Variants in SCPPPQ1 observed in about 807,000 individuals in gnomAD.
SCPPPQ1 encodes secretory calcium-binding phosphoprotein proline-glutamine rich 1, also known as secretory calcium-binding phosphoprotein proline- and glutamine-rich 1.
chr4:87,469,681 G>T, the SCPPPQ1 span, among the ~76,000 whole-genome samples: 1 of 152,134 alleles, frequency 6.6e-6, no homozygotes, highest in East Asian at 1.9e-4. Context: ...GAAGGGGTAG[G>T]AGATCATTTC....
At chr4:87,466,252 G>C in the SCPPPQ1 span, among the ~76,000 whole-genome samples, 1 of 151,882 alleles carries the variant, frequency 6.6e-6, no homozygotes, top group African/African-American at 2.4e-5. Context: ...AGCCAGGCAT[G>C]GTGGCTACAC....
At chr4:87,464,042 C>T in the SCPPPQ1 span, among the ~76,000 whole-genome samples, 5 of 152,248 alleles carry the variant, frequency 3.3e-5, no homozygotes, top group African/African-American at 4.8e-5. Flanking sequence ...ATCTTAGGCA[C>T]GAACAATGCC....
chr4:87,461,871 A>G, the SCPPPQ1 span: 1 of 152,022 alleles, frequency 6.6e-6, no homozygotes, highest in Non-Finnish European at 1.5e-5. Flanking sequence ...CATATTATTA[A>G]TTTACCGTTG....
chr4:87,462,473 T>TTTTCTTTCTTTCTTTC, the SCPPPQ1 span, among the ~76,000 whole-genome samples: 4 of 150,978 alleles, frequency 2.6e-5, no homozygotes, highest in Middle Eastern at 3.4e-3. Flanking sequence ...GTCTCCACGT[T>TTTTCTTTCTTTCTTTC]TTTCTTTCTT....
At chr4:87,469,542 G>A in the SCPPPQ1 span, among the ~76,000 whole-genome samples, 14 of 152,274 alleles carry the variant, frequency 9.2e-5, no homozygotes, top group East Asian at 2.7e-3. Flanking sequence ...CGAGAAATGC[G>A]ATGACTCTAA....
At chr4:87,463,691 T>C in the SCPPPQ1 span, among the ~76,000 whole-genome samples, 4 of 152,212 alleles carry the variant, frequency 2.6e-5, no homozygotes, top group African/African-American at 9.6e-5. Flanking sequence ...ATTTACCATA[T>C]TTGAAAGTTA....
the SCPPPQ1 span, among the ~76,000 whole-genome samples, chr4:87,463,794 T>C: frequency 6.6e-6 from 1 of 152,234 alleles, no homozygotes; most frequent in Non-Finnish European, 1.5e-5. Context: ...GTGTGAATGA[T>C]ACTTGAACTA....
chr4:87,469,694 G>A, the SCPPPQ1 span, among the ~76,000 whole-genome samples: 2 of 152,050 alleles, frequency 1.3e-5, no homozygotes, highest in Admixed American at 6.6e-5. Flanking sequence ...ATCATTTCGA[G>A]TTTTTTTCTA....
the SCPPPQ1 span, among the ~76,000 whole-genome samples, chr4:87,469,865 C>G: frequency 1.3e-5 from 2 of 151,462 alleles, no homozygotes; most frequent in East Asian, 1.9e-4. Flanking sequence ...TTACTTTCTA[C>G]TTTCTTATAA....
chr4:87,465,021 T>C, the SCPPPQ1 span, among the ~76,000 whole-genome samples: 2 of 152,206 alleles, frequency 1.3e-5, no homozygotes, highest in Non-Finnish European at 2.9e-5. Context: ...CTTAAATCTA[T>C]TTCAAATGCT....
chr4:87,461,299 C>G, the SCPPPQ1 span, among the ~76,000 whole-genome samples: 60 of 152,294 alleles, frequency 3.9e-4, no homozygotes, highest in African/African-American at 1.3e-3. Flanking sequence ...CATGGTCTGA[C>G]TGGGTTGCAA....
chr4:87,467,710 A>G, the SCPPPQ1 span, among the ~76,000 whole-genome samples: 1 of 152,286 alleles, frequency 6.6e-6, no homozygotes, highest in Middle Eastern at 3.4e-3. Context: ...GGACTGCCTA[A>G]AGCCTCATAT....
the SCPPPQ1 span, among the ~76,000 whole-genome samples, chr4:87,465,905 AGTAAGT>A: frequency 1.2e-5 from 1 of 81,794 alleles, no homozygotes; most frequent in Non-Finnish European, 3.6e-5. Flanking sequence ...CTTTCCCTAC[AGTAAGT>A]GTTACTTTCT....
At chr4:87,462,046 G>A in the SCPPPQ1 span, 1 of 152,160 alleles carries the variant, frequency 6.6e-6, no homozygotes, top group Non-Finnish European at 1.5e-5. Context: ...TAATTTATAT[G>A]AAGATATTTT....
the SCPPPQ1 span, among the ~76,000 whole-genome samples, chr4:87,463,948 A>G: frequency 2.6e-5 from 4 of 152,202 alleles, no homozygotes; most frequent in Non-Finnish European, 5.9e-5. Flanking sequence ...TCCGTCTAAA[A>G]GGTGAATCTC....
chr4:87,466,584 A>G, the SCPPPQ1 span, among the ~76,000 whole-genome samples: 1 of 152,214 alleles, frequency 6.6e-6, no homozygotes, highest in Non-Finnish European at 1.5e-5. Context: ...AATTTTTAAA[A>G]GTTGAGAGAA....
chr4:87,460,986 A>G, the SCPPPQ1 span: 2 of 152,644 alleles, frequency 1.3e-5, no homozygotes, highest in Non-Finnish European at 2.9e-5. Flanking sequence ...AGCACCATCT[A>G]TAATAGGGAA....
chr4:87,460,867 G>T, the SCPPPQ1 span: 1 of 152,652 alleles, frequency 6.6e-6, no homozygotes, highest in African/African-American at 2.4e-5. Context: ...ATTCTTTATG[G>T]TTTTTTGGAG....
At chr4:87,468,367 G>A in the SCPPPQ1 span, among the ~76,000 whole-genome samples, 1 of 152,146 alleles carries the variant, frequency 6.6e-6, no homozygotes, top group Non-Finnish European at 1.5e-5. Context: ...TCAAAGTGAA[G>A]GGAGTGTGGA....
Sources: allele counts gnomAD v4.1 joint callset (sites outside exome capture counted in the v4.1 genomes callset), GRCh38; gene constraint gnomAD v4.1.1; transcripts MANE v1.5; gene names NCBI Gene and HGNC (gene_info 2026-07-23, HGNC 2026-07-21).